The following ATP2B2 variants were observed in gnomAD, a reference collection of about 807,000 sequenced individuals.
ATP2B2 encodes the protein ATPase plasma membrane Ca2+ transporting 2, also known as plasma membrane calcium-transporting ATPase 2.
Under a neutral mutation model 120.0 loss-of-function variants are expected in ATP2B2, and 15 were observed. That is an observed-to-expected ratio of 0.12 (90% CI 0.08 to 0.19). The LOEUF (loss-of-function observed/expected upper bound fraction) is 0.19, where lower values mean the gene tolerates loss of function less well. Ranked by LOEUF, ATP2B2 falls within the 10% of genes least tolerant of loss-of-function variation. The pLI is 1.00. For missense variants in ATP2B2, 1,045 were observed against 1,719.8 expected (o/e 0.61, Z 6.94); for synonymous variants, 694 against 700.3 (o/e 0.99, Z 0.14).
intron 1 of ATP2B2, among the ~76,000 whole-genome samples, chr3:10,477,223 G>A (rs981459058): frequency 1.3e-5 from 2 of 152,128 alleles, no homozygotes; most frequent in African/African-American, 4.8e-5. Context: ...CTTAAGATTG[G>A]TGCTTTTGTG....
intron 2 of ATP2B2, among the ~76,000 whole-genome samples, chr3:10,612,931 C>A (rs2069281644): frequency 6.6e-6 from 1 of 152,088 alleles, no homozygotes; most frequent in East Asian, 1.9e-4. Context: ...ATTCATGAAC[C>A]CCTTAGAGTT....
chr3:10,439,467 C>T (rs2063584208), intron 2 of ATP2B2, among the ~76,000 whole-genome samples: 1 of 152,116 alleles, frequency 6.6e-6, no homozygotes, highest in African/African-American at 2.4e-5. Flanking sequence ...ACCAACTTCG[C>T]CTAAGACCCC....
rs2066805464 is a variant in ATP2B2, at chr3:10,513,119, A to G, written c.-320+20920T>C. Among the ~76,000 whole-genome samples, 4 of 152,266 alleles carry G rather than the reference A, an allele frequency of 2.6e-5. No individual in the cohort carries two copies. In the South Asian group the frequency reaches 8.3e-4, roughly 32 times the overall value. Reference sequence around the variant, plus strand: ...GACAGCCATGAAATGAAATGATCACACAAACCAAAGTGTATTTACAGAGGG... The same window carrying G: ...GACAGCCATGAAATGAAATGATCACGCAAACCAAAGTGTATTTACAGAGGG... On this transcript the variant is annotated intron_variant, in intron 3 of 21. Transcript: ENST00000646379.
At chr3:10,557,464 C>A (rs1261988543) in intron 2 of ATP2B2, among the ~76,000 whole-genome samples, 2 of 152,158 alleles carry the variant, frequency 1.3e-5, no homozygotes, top group African/African-American at 4.8e-5. Flanking sequence ...GGCAGGAGAG[C>A]CTTCTGGTAG....
chr3:10,577,606 G>A (rs2068283967), intron 2 of ATP2B2, among the ~76,000 whole-genome samples: 1 of 152,212 alleles, frequency 6.6e-6, no homozygotes, highest in African/African-American at 2.4e-5. Flanking sequence ...GGAACAATCA[G>A]TGCCTTTGGG....
At chr3:10,618,212 A>T (rs892956055) in intron 2 of ATP2B2, among the ~76,000 whole-genome samples, 2 of 152,216 alleles carry the variant, frequency 1.3e-5, no homozygotes, top group African/African-American at 4.8e-5. Flanking sequence ...CTTAATGGTC[A>T]AGTGACTTTG....
chr3:10,632,726 G>A lies in ATP2B2; in HGVS notation c.-459-12765C>T, dbSNP rs544705655. ...TAAAGAGGATGAGCCAGCTCTGCCA[G>A]GTCCTCTGCAGGTGGCTCTGGGGAC... On this transcript the variant is annotated intron_variant, in intron 1 of 21. Coordinates refer to the ATP2B2 transcript ENST00000646379. Among the ~76,000 whole-genome samples, 30 of 152,350 alleles carry A rather than the reference G, an allele frequency of 2.0e-4. No homozygotes were observed. The East Asian group carries it at 5.6e-3, about 28-fold the overall frequency.
At chr3:10,636,881 G>A (rs2070036879) in intron 1 of ATP2B2, among the ~76,000 whole-genome samples, 1 of 152,200 alleles carries the variant, frequency 6.6e-6, no homozygotes, top group Non-Finnish European at 1.5e-5. Context: ...GGTCACTCTT[G>A]AGTATTCAGC....
intron 2 of ATP2B2, among the ~76,000 whole-genome samples, chr3:10,582,117 A>G (rs145844547): frequency 1.9e-3 from 288 of 152,322 alleles, no homozygotes; most frequent in African/African-American, 6.1e-3. Flanking sequence ...AAGAACATTT[A>G]AAAATACCTT....
chr3:10,334,908 A>G (rs1347996445), intron 22 of ATP2B2, among the ~76,000 whole-genome samples: 1 of 152,182 alleles, frequency 6.6e-6, no homozygotes, highest in African/African-American at 2.4e-5. Flanking sequence ...TCATCAAAGA[A>G]GCTGGAGGCT....
intron 8 of ATP2B2, among the ~76,000 whole-genome samples, chr3:10,379,996 G>A (rs17032773): frequency 0.024 from 3,690 of 152,282 alleles, 153 homozygotes; most frequent in African/African-American, 0.084. Context: ...GGTGGTATAC[G>A]AGGGACCTCA....
chr3:10,640,588 A>C (rs1446618998), intron 1 of ATP2B2, among the ~76,000 whole-genome samples: 1 of 152,158 alleles, frequency 6.6e-6, no homozygotes, highest in Non-Finnish European at 1.5e-5. Context: ...GCCAGAAGGC[A>C]GGAGAAGGCA....
In ATP2B2 at chr3:10,402,121, C is replaced by T. The variant is rs145312453; in HGVS notation, c.625G>A (p.Val209Met). Residue 209 changes from valine (V) to methionine (M), a missense_variant, in exon 4 of 23, where the codon GTG (valine) becomes ATG (methionine). Val to Met is a conservative substitution (Grantham distance 21). Transcript: ENST00000360273. This position sits in a 1 kb window ranked among gnomAD's most constrained non-coding sequence, Gnocchi z 4.9. Reference sequence around the variant, plus strand: ...TTGACCTGGGCTATGTCCCCAACCACGATCTCAGCCACAGGGATCTGGACC... The same window carrying T: ...TTGACCTGGGCTATGTCCCCAACCATGATCTCAGCCACAGGGATCTGGACC... ...QVVQIPVAEI[V>M]VGDIAQVKYG... The T allele has an allele frequency of 2.3e-5, 37 of 1,613,992 alleles. No homozygotes were observed. Among genetic ancestry groups the T allele is most frequent in the African/African-American group, 2.1e-4 (16 of 74,924 alleles).
chr3:10,549,669 C>G (rs1402171400), intron 2 of ATP2B2, among the ~76,000 whole-genome samples: 1 of 152,110 alleles, frequency 6.6e-6, no homozygotes, highest in Non-Finnish European at 1.5e-5. Flanking sequence ...CTACCTCCCT[C>G]TCTCCTTTTC....
chr3:10,471,805 C>G (rs987433450), intron 1 of ATP2B2, among the ~76,000 whole-genome samples: 1 of 152,024 alleles, frequency 6.6e-6, no homozygotes, highest in Non-Finnish European at 1.5e-5. Context: ...TAATAATTTT[C>G]TTTTAAAAAA....
At chr3:10,690,034 C>T (rs2071620271) in intron 1 of ATP2B2, among the ~76,000 whole-genome samples, 1 of 152,230 alleles carries the variant, frequency 6.6e-6, no homozygotes, top group South Asian at 2.1e-4. Flanking sequence ...TATCCCTGTC[C>T]CCCACATGCA....
chr3:10,616,232 T>G (rs1306484221), intron 2 of ATP2B2, among the ~76,000 whole-genome samples: 1 of 152,180 alleles, frequency 6.6e-6, no homozygotes, highest in Non-Finnish European at 1.5e-5. Flanking sequence ...ATAGGGTTTT[T>G]AAAGATGTGA....
At chr3:10,421,489 T>C (rs1445658019) in intron 2 of ATP2B2, among the ~76,000 whole-genome samples, 1 of 152,156 alleles carries the variant, frequency 6.6e-6, no homozygotes, top group African/African-American at 2.4e-5. Context: ...ACCCTTTGTC[T>C]CCTACTGGTG....
At chr3:10,547,777 C>G (rs1029282065) in intron 2 of ATP2B2, among the ~76,000 whole-genome samples, 2 of 152,228 alleles carry the variant, frequency 1.3e-5, no homozygotes, top group Admixed American at 1.3e-4. Flanking sequence ...AAACTGAAGT[C>G]CCTTGTAAGG....
Sources: allele counts gnomAD v4.1 joint callset (sites outside exome capture counted in the v4.1 genomes callset), GRCh38; gene constraint gnomAD v4.1.1; non-coding constraint Gnocchi (gnomAD v3.1); transcripts MANE v1.5; gene names NCBI Gene and HGNC (gene_info 2026-07-23, HGNC 2026-07-21).